Variants in MIGA1 observed in about 807,000 individuals in gnomAD.
MIGA1 encodes mitoguardin 1.
In MIGA1, 58 loss-of-function variants were observed where a neutral mutation model predicts 82.0. The observed-to-expected ratio is 0.71, with a 90% CI of 0.57 to 0.88. The LOEUF (loss-of-function observed/expected upper bound fraction) is 0.88, where lower values mean the gene tolerates loss of function less well. Ranked by LOEUF, MIGA1 falls within the 40% of genes least tolerant of loss-of-function variation. The pLI is 0.00. For missense variants in MIGA1, 751 were observed against 749.1 expected, an observed-to-expected ratio of 1.00 and a Z score of -0.03; for synonymous variants, 249 against 253.6, an observed-to-expected ratio of 0.98 and a Z score of 0.17.
intron 2 of MIGA1, among the ~76,000 whole-genome samples, chr1:77,795,187 C>T (rs936039157): frequency 2.1e-4 from 32 of 152,224 alleles, no homozygotes; most frequent in African/African-American, 7.5e-4. Context: ...TGGTCTTAAA[C>T]GGCTGACCTC....
At chr1:77,799,254 T>G (rs1022298294) in intron 2 of MIGA1, among the ~76,000 whole-genome samples, 1 of 152,198 alleles carries the variant, frequency 6.6e-6, no homozygotes, top group East Asian at 1.9e-4. Flanking sequence ...CATTGCAAAT[T>G]TGACATAATG....
chr1:77,801,180 T>C, intron 2 of MIGA1, 151 bp from the exon 3 acceptor site: 1 of 511,516 alleles, frequency 2.0e-6, no homozygotes, highest in Non-Finnish European at 3.3e-6. Context: ...AAAAATCAAA[T>C]TGGGCTAGCT....
At chr1:77,809,434 G>A (rs962925420) in intron 5 of MIGA1, among the ~76,000 whole-genome samples, 3 of 152,080 alleles carry the variant, frequency 2.0e-5, no homozygotes, top group Non-Finnish European at 4.4e-5. Context: ...CAACTCTGCT[G>A]TAAAATAATT....
At chr1:77,811,785 C>T (rs188679203) in intron 5 of MIGA1, 642 of 1,565,852 alleles carry the variant, frequency 4.1e-4, no homozygotes, top group Admixed American at 1.5e-3. Context: ...CCGACATGGC[C>T]GGTCCCCACC....
intron 2 of MIGA1, among the ~76,000 whole-genome samples, chr1:77,796,825 A>C (rs1682675844): frequency 6.6e-6 from 1 of 152,188 alleles, no homozygotes; most frequent in African/African-American, 2.4e-5. Context: ...TTCAATTGAC[A>C]TGGAGCACAA....
chr1:77,815,693 TTAAAGAG>T (rs1683545660), intron 7 of MIGA1, among the ~76,000 whole-genome samples: 1 of 152,320 alleles, frequency 6.6e-6, no homozygotes, highest in East Asian at 1.9e-4. Flanking sequence ...GTTTCCTACT[TTAAAGAG>T]AAAAGAGTTT....
At chr1:77,847,544 G>A in intron 8 of MIGA1, 1 of 1,471,938 alleles carries the variant, frequency 6.8e-7, no homozygotes, top group Non-Finnish European at 9.5e-7. Flanking sequence ...AAAAGGGAGA[G>A]TTTGATGATA....
At chr1:77,865,496 G>GGT (rs1366063356) in intron 13 of MIGA1, among the ~76,000 whole-genome samples, 3 of 152,102 alleles carry the variant, frequency 2.0e-5, no homozygotes, top group African/African-American at 4.8e-5. Flanking sequence ...AGGAGGCTGA[G>GGT]GTGGGAGGTT....
Position 77,779,697 on chromosome 1 carries a change from T to C in MIGA1, c.42T>C (p.Ala14=), listed in dbSNP as rs1681809734. ...CAGCGCCAGGCATCAGCTGGGAAGC[T>C]GGCGTGGGCAGGCCAGCTGTACCTG... Residue 14 remains alanine, a synonymous_variant, in exon 1 of 16, where the codon GCT becomes GCC. Transcript: ENST00000370791. 6.4e-7 allele frequency: 1 copy of C among 1,558,236 alleles called. No individual in the cohort carries two copies. Among genetic ancestry groups the C allele is most frequent in the African/African-American group, 1.4e-5 (1 of 73,076 alleles).
At chr1:77,784,574 G>C (rs1365136374) in intron 2 of MIGA1, among the ~76,000 whole-genome samples, 1 of 152,144 alleles carries the variant, frequency 6.6e-6, no homozygotes, top group East Asian at 1.9e-4. Context: ...CACAGTAGCT[G>C]TACCACTTTA....
At chr1:77,869,879 T>C (rs1685862639) in intron 14 of MIGA1, among the ~76,000 whole-genome samples, 2 of 93,252 alleles carry the variant, frequency 2.1e-5, no homozygotes, top group African/African-American at 4.4e-5. Flanking sequence ...TCCCCCCACC[T>C]CCCTCCCGGA....
intron 7 of MIGA1, among the ~76,000 whole-genome samples, chr1:77,823,576 G>A (rs1369023730): frequency 6.6e-6 from 1 of 152,030 alleles, no homozygotes; most frequent in Admixed American, 6.6e-5. Flanking sequence ...GGGTTTTTTG[G>A]TTTTTAGAGA....
intron 2 of MIGA1, among the ~76,000 whole-genome samples, chr1:77,783,616 A>C (rs540063611): frequency 6.6e-6 from 1 of 152,186 alleles, no homozygotes; most frequent in South Asian, 2.1e-4. Flanking sequence ...CTTTCAGTGA[A>C]TTATGTTATT....
chr1:77,783,346 TC>T lies in MIGA1; in HGVS notation c.193del (p.Gln65ArgfsTer14). The stretch of plus-strand genomic sequence containing the variant: ...TCCTCTGACTTGGTACTATTCTCTC[TC>T]CCAGGTAAATAAAAGAAGCAAACAG... On this transcript the variant is annotated frameshift_variant, in exon 2 of 16. Transcript: ENST00000370791. LOFTEE classifies it high-confidence loss of function. 6.4e-7 allele frequency: 1 copy of T among 1,556,622 alleles called. No homozygotes were observed. Among genetic ancestry groups the T allele is most frequent in the Non-Finnish European group, 8.8e-7 (1 of 1,139,626 alleles).
intron 5 of MIGA1, among the ~76,000 whole-genome samples, chr1:77,812,384 C>T (rs1277925833): frequency 1.3e-5 from 2 of 151,854 alleles, no homozygotes; most frequent in Non-Finnish European, 2.9e-5. Flanking sequence ...TAGGAGGTTG[C>T]AGTGAGCCGA....
intron 8 of MIGA1, among the ~76,000 whole-genome samples, chr1:77,846,638 A>T (rs1270161640): frequency 6.6e-6 from 1 of 150,890 alleles, no homozygotes; most frequent in Non-Finnish European, 1.5e-5. Context: ...CCAGCTGAAA[A>T]TTTTATTTTT....
intron 8 of MIGA1, chr1:77,847,944 A>C: frequency 7.7e-7 from 1 of 1,301,514 alleles, no homozygotes; most frequent in Non-Finnish European, 1.1e-6. Context: ...AGAAGGGAAA[A>C]GGTCGTAGAG....
chr1:77,800,016 C>T (rs888043354), intron 2 of MIGA1, among the ~76,000 whole-genome samples: 3 of 152,068 alleles, frequency 2.0e-5, no homozygotes, highest in Non-Finnish European at 4.4e-5. Flanking sequence ...TTAATATAAG[C>T]ATTTAATGGC....
At chr1:77,842,940 GTTC>G (rs1684682879) in intron 7 of MIGA1, among the ~76,000 whole-genome samples, 1 of 152,198 alleles carries the variant, frequency 6.6e-6, no homozygotes, top group Non-Finnish European at 1.5e-5. Flanking sequence ...GAACCTACAA[GTTC>G]TTCTAATTTG....
Sources: allele counts gnomAD v4.1 joint callset (sites outside exome capture counted in the v4.1 genomes callset), GRCh38; gene constraint gnomAD v4.1.1; transcripts MANE v1.5; gene names NCBI Gene and HGNC (gene_info 2026-07-23, HGNC 2026-07-21).